The following RNF216 variants were observed in gnomAD, a reference collection of about 807,000 sequenced individuals.
The protein encoded by RNF216 is E3 ubiquitin-protein ligase RNF216.
In RNF216, 72 loss-of-function variants were observed where a neutral mutation model predicts 110.8. The ratio of observed to expected loss-of-function variants is 0.65; its 90% CI spans 0.54 to 0.79. RNF216 has a LOEUF of 0.79. Among genes scored for constraint, RNF216 ranks in the 30% least tolerant of loss-of-function variants. RNF216 has a pLI of 0.00. For synonymous variants in RNF216, 495 were observed against 407.5 expected, an observed-to-expected ratio of 1.21 and a Z score of -2.59; for missense variants, 1,342 against 1,141.2, an observed-to-expected ratio of 1.18 and a Z score of -2.54.
chr7:5,656,121 T>C (rs765852102), intron 13 of RNF216, among the ~76,000 whole-genome samples: 2 of 152,050 alleles, frequency 1.3e-5, no homozygotes, highest in Non-Finnish European at 2.9e-5. Flanking sequence ...ATACAAAAAT[T>C]AGCCGGGCAT....
chr7:5,626,383 G>A (rs1786702452), intron 15 of RNF216, among the ~76,000 whole-genome samples: 1 of 150,704 alleles, frequency 6.6e-6, no homozygotes, highest in East Asian at 1.9e-4. Context: ...CTTCATTTTG[G>A]AGCCAGTGGC....
At chr7:5,778,452 T>G (rs1019549551) in intron 1 of RNF216, among the ~76,000 whole-genome samples, 1 of 152,218 alleles carries the variant, frequency 6.6e-6, no homozygotes, top group Admixed American at 6.6e-5. Flanking sequence ...AACAATACTT[T>G]AATATACTTA....
intron 1 of RNF216, among the ~76,000 whole-genome samples, chr7:5,771,876 G>A (rs906637501): frequency 3.3e-5 from 5 of 151,992 alleles, no homozygotes; most frequent in African/African-American, 7.2e-5. Context: ...CCGAGGAAAC[G>A]CAAAAGGCCA....
intron 13 of RNF216, among the ~76,000 whole-genome samples, chr7:5,654,592 C>A (rs1178999758): frequency 1.4e-5 from 2 of 143,934 alleles, no homozygotes; most frequent in South Asian, 4.4e-4. Flanking sequence ...GAGGCTGAGG[C>A]AGGAGAATCA....
At chr7:5,666,532 C>T (rs1045678062) in intron 13 of RNF216, 2 of 152,280 alleles carry the variant, frequency 1.3e-5, no homozygotes, top group Admixed American at 1.3e-4. Flanking sequence ...TGCCTGGGGC[C>T]TGAGCCCAGA....
chr7:5,767,696 T>C (rs1196815560), intron 1 of RNF216, among the ~76,000 whole-genome samples: 1 of 151,972 alleles, frequency 6.6e-6, no homozygotes, highest in African/African-American at 2.4e-5. Flanking sequence ...CCTCCTGGGT[T>C]CAAGCCATTT....
intron 13 of RNF216, among the ~76,000 whole-genome samples, chr7:5,664,149 A>G (rs1324784022): frequency 6.6e-6 from 1 of 152,156 alleles, no homozygotes; most frequent in East Asian, 1.9e-4. Flanking sequence ...CCATGCAGAG[A>G]GTTGTTTTTT....
intron 1 of RNF216, among the ~76,000 whole-genome samples, chr7:5,762,955 G>A (rs1197020453): frequency 6.6e-6 from 1 of 152,148 alleles, no homozygotes; most frequent in African/African-American, 2.4e-5. Context: ...TTAAAAAGAA[G>A]TATCATGGTG....
intron 14 of RNF216, among the ~76,000 whole-genome samples, chr7:5,647,328 C>CTTTT (rs10617479): frequency 3.3e-3 from 315 of 94,662 alleles, no homozygotes; most frequent in Non-Finnish European, 5.2e-3. Context: ...TTCTTTCTTT[C>CTTTT]TTTTTTTTTT....
At chr7:5,753,832 T>C (rs1050581495) in intron 2 of RNF216, among the ~76,000 whole-genome samples, 6 of 152,090 alleles carry the variant, frequency 3.9e-5, no homozygotes, top group African/African-American at 1.4e-4. Flanking sequence ...CCGTCTCTAC[T>C]AAAAATACAA....
At chr7:5,683,931 G>T (rs1312568294) in intron 13 of RNF216, among the ~76,000 whole-genome samples, 1 of 152,034 alleles carries the variant, frequency 6.6e-6, no homozygotes, top group Non-Finnish European at 1.5e-5. Context: ...GGCATCACTT[G>T]TGTCTGGTGA....
At chr7:5,711,732 T>C in intron 13 of RNF216, 29 bp downstream of exon 13, 3 of 1,586,310 alleles carry the variant, frequency 1.9e-6, no homozygotes, top group Non-Finnish European at 2.6e-6. Flanking sequence ...TAATTCAATA[T>C]ACATCTAGAA....
intron 15 of RNF216, among the ~76,000 whole-genome samples, chr7:5,632,988 T>C (rs1285363849): frequency 6.7e-6 from 1 of 148,338 alleles, no homozygotes; most frequent in Non-Finnish European, 1.5e-5. Context: ...GAGCACTTTC[T>C]GTTTTTTTTG....
chr7:5,652,368 G>C (rs1656030648), intron 14 of RNF216, 45 bp downstream of exon 14: 3 of 1,363,856 alleles, frequency 2.2e-6, no homozygotes, highest in African/African-American at 1.4e-5. Context: ...GGTTAATGGG[G>C]AAGTTGAGAA....
At chr7:5,757,555 A>T (rs1161126414) in intron 2 of RNF216, among the ~76,000 whole-genome samples, 3 of 152,220 alleles carry the variant, frequency 2.0e-5, no homozygotes, top group African/African-American at 4.8e-5. Flanking sequence ...ACTATTTAGC[A>T]ATTAAAAAGG....
chr7:5,721,199 C>G (rs780195749), intron 8 of RNF216, 27 bp from the exon 9 acceptor site: 3 of 1,609,722 alleles, frequency 1.9e-6, no homozygotes, highest in Middle Eastern at 1.7e-4. Context: ...AATGCAAAAG[C>G]ATGCAGACAA....
intron 9 of RNF216, among the ~76,000 whole-genome samples, chr7:5,718,074 A>T (rs1013561953): frequency 1.3e-5 from 2 of 152,196 alleles, no homozygotes; most frequent in Non-Finnish European, 2.9e-5. Flanking sequence ...ACTAACAATA[A>T]TGGTTATATA....
At chr7:5,657,024 T>C (rs1346842636) in intron 13 of RNF216, among the ~76,000 whole-genome samples, 3 of 152,248 alleles carry the variant, frequency 2.0e-5, no homozygotes, top group African/African-American at 7.2e-5. Flanking sequence ...CTTGCCTTCC[T>C]TGCAAAGCCA....
At chr7:5,653,078 C>T (rs993205530) in intron 13 of RNF216, among the ~76,000 whole-genome samples, 2 of 152,126 alleles carry the variant, frequency 1.3e-5, no homozygotes, top group African/African-American at 4.8e-5. Flanking sequence ...GTCCAAAACT[C>T]GCTTCTACTG....
Sources: gnomAD v4.1 joint callset for allele counts (sites outside exome capture counted in the v4.1 genomes callset) on GRCh38, gnomAD v4.1.1 for gene constraint, MANE v1.5 for transcripts, NCBI Gene and HGNC (gene_info 2026-07-23, HGNC 2026-07-21) for gene names.